The following DNAH17 variants were observed in gnomAD, a reference collection of about 807,000 sequenced individuals.
DNAH17 encodes the protein dynein axonemal heavy chain 17.
A neutral mutation model predicts 485.6 loss-of-function variants in DNAH17; 376 were observed. The observed-to-expected ratio is 0.77, with a 90% CI of 0.71 to 0.84. DNAH17 has a LOEUF of 0.84. Among genes scored for constraint, DNAH17 ranks in the 40% least tolerant of loss-of-function variants. The pLI is 0.00. For missense variants in DNAH17, 6,370 were observed against 5,839.3 expected, an observed-to-expected ratio of 1.09 and a Z score of -2.96; for synonymous variants, 3,031 against 2,405.9, an observed-to-expected ratio of 1.26 and a Z score of -7.60.
chr17:78,498,208 C>T (rs553004796), intron 37 of DNAH17, among the ~76,000 whole-genome samples: 201 of 152,148 alleles, frequency 1.3e-3, no homozygotes, highest in African/African-American at 4.7e-3. Flanking sequence ...AGGCTCTCCA[C>T]CCAGGTTGTG....
chr17:78,477,372 A>AT (rs111240489), intron 51 of DNAH17, among the ~76,000 whole-genome samples: 72 of 147,634 alleles, frequency 4.9e-4, no homozygotes, highest in Middle Eastern at 3.5e-3. Context: ...CTGATACTTT[A>AT]TTTTTTTTTT....
chr17:78,558,797 G>C (rs1030590459), intron 13 of DNAH17, among the ~76,000 whole-genome samples: 8 of 152,126 alleles, frequency 5.3e-5, no homozygotes, highest in African/African-American at 1.9e-4. Context: ...GTTATGACCC[G>C]AGATCAACAA....
chr17:78,455,738 A>T lies in DNAH17; in HGVS notation c.10076T>A (p.Ile3359Asn). The T allele has an allele frequency of 6.2e-7, 1 of 1,612,652 alleles. No homozygotes were observed. The highest frequency in any genetic ancestry group is 1.6e-4 in the Middle Eastern group (1 of 6,062). Residue 3359 changes from isoleucine (I) to asparagine (N), a missense_variant, in exon 63 of 81, where the codon ATC (isoleucine) becomes AAC (asparagine). Physicochemically the swap from Ile to Asn is moderately radical, Grantham distance 149. Transcript: ENST00000389840. ...GCCCACGTAGGACACGAAGGCAGAG[A>T]TGAGCAGGACGTCCCCACACAGCGT... Reference protein sequence around the residue: ...GVTLCGDVLLISAFVSYVGYF... With the variant: ...GVTLCGDVLLNSAFVSYVGYF...
chr17:78,459,791 C>T lies in DNAH17; in HGVS notation c.9646G>A (p.Ala3216Thr), dbSNP rs756373954. Residue 3216 changes from alanine to threonine, a missense_variant, in exon 60 of 81, where the codon GCC (alanine) becomes ACC (threonine). Coordinates refer to ENST00000389840, the MANE Select transcript of DNAH17 (RefSeq NM_173628.4). ...GGCCCAGCCCCGACTCACTTGAAGG[C>T]CTTCAGGCAGGCCTCAGGGATGTGC... ...KEHIPEACLKAFKPYQGNPTF... is the reference protein window; with the variant it reads ...KEHIPEACLKTFKPYQGNPTF... 7.4e-6 allele frequency: 12 copies of T among 1,614,006 alleles called. No homozygotes were observed. Among genetic ancestry groups the T allele is most frequent in the South Asian group, 1.1e-5 (1 of 91,080 alleles).
chr17:78,547,617 ATTTTTTT>A (rs58852980), intron 16 of DNAH17, among the ~76,000 whole-genome samples: 1 of 134,644 alleles, frequency 7.4e-6, no homozygotes, highest in African/African-American at 2.8e-5. Flanking sequence ...GTTCATTACT[ATTTTTTT>A]TTTTTTTTTT....
chr17:78,427,663 C>G (rs954539992), intron 77 of DNAH17, among the ~76,000 whole-genome samples: 4 of 152,150 alleles, frequency 2.6e-5, no homozygotes, highest in African/African-American at 9.7e-5. Flanking sequence ...CGTAATAGAG[C>G]CTTTCCACAT....
rs570106964 is a variant in DNAH17 at position 78,500,969 on chromosome 17, A to C, written c.5483+215T>G. 9 of 452,910 alleles carry C rather than the reference A, an allele frequency of 2.0e-5. No individual in the cohort carries two copies. In the East Asian group the frequency reaches 3.3e-4, roughly 16 times the overall value. 28.1% of individuals were successfully genotyped at this position (452,910 alleles called of 1,614,324 possible). On this transcript the variant is annotated intron_variant, in intron 35 of 80. Coordinates refer to ENST00000389840, the MANE Select transcript of DNAH17 (RefSeq NM_173628.4). ...CCATAAAACATGACCCCAACTCAGC[A>C]GGCCCACAGAGGGGTGCAGGAACTC...
Position 78,424,023 on chromosome 17 carries a change from A to G in DNAH17, c.13272T>C (p.Cys4424=). ...CGCGGATGCGTGTTTTGTACACGGG[A>G]CACTCATAGATGTTCTTGGTCTCCA... ...DRMETKNIYE[C]PVYKTRIRGP... Residue 4424 remains cysteine, a synonymous_variant, in exon 81 of 81, where the codon TGT becomes TGC. Transcript: ENST00000389840. The G allele has an allele frequency of 1.2e-6, 2 of 1,614,042 alleles. No homozygotes were observed. The highest frequency in any genetic ancestry group is 1.3e-5 in the African/African-American group (1 of 75,056).
In DNAH17 at chr17:78,570,829, G is replaced by A. The variant is rs12948761; in HGVS notation, c.918+119C>T. 0.21 allele frequency: 133,366 copies of A among 637,718 alleles called. 17,148 individuals are homozygous for A. Among genetic ancestry groups the A allele is most frequent in the Admixed American group, 0.38 (9,444 of 24,806 alleles). The allele number at this position is 637,718 out of a possible 1,614,324, so 39.5% of individuals were successfully genotyped here. On this transcript the variant is annotated intron_variant, in intron 6 of 80. Coordinates refer to ENST00000389840, the MANE Select transcript of DNAH17 (RefSeq NM_173628.4). Reference sequence around the variant, plus strand: ...GCCGAGATCGCGCCACAGCACTCTAGCCTGGTGACAGAGCGAGACTCCCTC... The same window carrying A: ...GCCGAGATCGCGCCACAGCACTCTAACCTGGTGACAGAGCGAGACTCCCTC...
chr17:78,531,692 T>G (rs1461096667), intron 20 of DNAH17, among the ~76,000 whole-genome samples: 1 of 152,240 alleles, frequency 6.6e-6, no homozygotes, highest in Non-Finnish European at 1.5e-5. Flanking sequence ...TTGTTCTTGG[T>G]TTCTGTTTGT....
intron 14 of DNAH17, among the ~76,000 whole-genome samples, chr17:78,554,436 C>CAAAAAAAAAAAAAAAAAAAAAAAAAAAAA (rs55701739): frequency 3.1e-5 from 1 of 32,236 alleles, no homozygotes; most frequent in African/African-American, 1.1e-4. Context: ...GACTCTGTCT[C>CAAAAAAAAAAAAAAAAAAAAAAAAAAAAA]AAAAAAAAAA....
At chr17:78,461,792 G>A (rs1347343799) in intron 57 of DNAH17, 84 bp from the exon 58 acceptor site, 7 of 1,379,482 alleles carry the variant, frequency 5.1e-6, no homozygotes, top group Non-Finnish European at 5.9e-6. Context: ...AGGGCTGGGA[G>A]CCACAGAGGG....
At chr17:78,523,010 C>T (rs12602698) in intron 25 of DNAH17, among the ~76,000 whole-genome samples, 9,206 of 152,152 alleles carry the variant, frequency 0.061, 381 homozygotes, top group South Asian at 0.13. Context: ...CACACCACCA[C>T]GCCCAGCTAA....
At position 78,484,884 on chromosome 17, in the gene DNAH17, T is replaced by C. The variant is rs190811861; in HGVS notation, c.7633A>G (p.Met2545Val). ...CCGTCTAACCAGTGCCGGTGGTCCATGTGCTGCCGGATGAGGGTGTGCGGG... is the reference window on the plus strand; with the variant it reads ...CCGTCTAACCAGTGCCGGTGGTCCACGTGCTGCCGGATGAGGGTGTGCGGG... ...VAPHTLIRQH[M>V]DHRHWYDRHK... The change falls in exon 48 of 81, where the codon ATG (methionine) becomes GTG (valine). Residue 2545 changes from methionine (M) to valine (V), a missense_variant. Coordinates refer to ENST00000389840, the MANE Select transcript of DNAH17 (RefSeq NM_173628.4). 3,625 of 1,571,360 alleles carry C rather than the reference T, an allele frequency of 2.3e-3. 33 individuals carry two copies. Among genetic ancestry groups the C allele is most frequent in the East Asian group, 0.014 (606 of 42,540 alleles).
chr17:78,441,875 A>C (rs2087090493), intron 71 of DNAH17, among the ~76,000 whole-genome samples: 1 of 152,188 alleles, frequency 6.6e-6, no homozygotes, highest in South Asian at 2.1e-4. Flanking sequence ...ACTTGAGGTT[A>C]GGAGTTTGAG....
intron 54 of DNAH17, among the ~76,000 whole-genome samples, chr17:78,474,080 C>A (rs116472786): frequency 0.013 from 2,049 of 152,318 alleles, 43 homozygotes; most frequent in African/African-American, 0.047. Context: ...CAGAGGTTGG[C>A]CGTCCCTGGC....
In DNAH17 at chr17:78,571,694, T is replaced by C. The variant is rs1174359141; in HGVS notation, c.628A>G (p.Lys210Glu). The change falls in exon 4 of 81, where the codon AAA becomes GAA. Residue 210 changes from lysine (K) to glutamate (E), a missense_variant. Coordinates refer to ENST00000389840, the MANE Select transcript of DNAH17 (RefSeq NM_173628.4). Reference protein sequence around the residue: ...WSHQIRDVLSKDSAQALLDGL... With the variant: ...WSHQIRDVLSEDSAQALLDGL... Reference sequence around the variant, plus strand: ...TCCAGCAGCGCCTGGGCTGAGTCTTTGCTCAGCACATCCCGGATCTGGTGG... The same window carrying C: ...TCCAGCAGCGCCTGGGCTGAGTCTTCGCTCAGCACATCCCGGATCTGGTGG... The C allele has an allele frequency of 1.2e-6, 2 of 1,613,990 alleles. No homozygotes were observed. The highest frequency in any genetic ancestry group is 2.2e-5 in the East Asian group (1 of 44,884).
At chr17:78,492,557 G>T in intron 42 of DNAH17, 76 bp downstream of exon 42, 1 of 1,571,838 alleles carries the variant, frequency 6.4e-7, no homozygotes, top group East Asian at 2.3e-5. Flanking sequence ...CCTTCCACGT[G>T]GGAACGGCTG....
intron 75 of DNAH17, among the ~76,000 whole-genome samples, chr17:78,431,871 G>A (rs1274147047): frequency 6.6e-6 from 1 of 152,140 alleles, no homozygotes; most frequent in Admixed American, 6.5e-5. Flanking sequence ...CTAAGGAAAT[G>A]TCTTAAAAAT....
Sources: allele counts gnomAD v4.1 joint callset (sites outside exome capture counted in the v4.1 genomes callset), GRCh38; gene constraint gnomAD v4.1.1; transcripts MANE v1.5; gene names NCBI Gene and HGNC (gene_info 2026-07-23, HGNC 2026-07-21).